STRIP1: variants seen among roughly 807,000 people sequenced by gnomAD.
STRIP1 encodes striatin-interacting protein 1.
Under a neutral mutation model 106.2 loss-of-function variants are expected in STRIP1, and 63 were observed. The ratio of observed to expected loss-of-function variants is 0.59; its 90% CI spans 0.48 to 0.73. The LOEUF (loss-of-function observed/expected upper bound fraction) is 0.73. Among genes scored for constraint, STRIP1 ranks in the 30% least tolerant of loss-of-function variants. The probability of loss-of-function intolerance (pLI) is 0.00; values close to 1 mark genes in which losing one functional copy is unlikely to be tolerated. For missense variants in STRIP1, 857 were observed against 1,074.8 expected, an observed-to-expected ratio of 0.80 and a Z score of 2.83; for synonymous variants, 390 against 413.0, an observed-to-expected ratio of 0.94 and a Z score of 0.67.
chr1:110,046,349 A>T (rs1653016744), intron 12 of STRIP1, among the ~76,000 whole-genome samples: 1 of 152,006 alleles, frequency 6.6e-6, no homozygotes, highest in South Asian at 2.1e-4. Context: ...AAAATACAAA[A>T]ATTAGCCAGG....
intron 5 of STRIP1, 44 bp from the exon 6 acceptor site, chr1:110,040,591 C>T (rs769858370): frequency 6.4e-6 from 10 of 1,573,970 alleles, no homozygotes; most frequent in African/African-American, 5.4e-5. Flanking sequence ...CATCACTTAT[C>T]TTCCTTCTTG....
rs112422790 is a variant in STRIP1, at chr1:110,037,807, G to A, written c.181-84G>A. 217 of 976,044 alleles carry A rather than the reference G, an allele frequency of 2.2e-4. 1 individual carries two copies. The African/African-American group carries it at 3.0e-3, about 14-fold the overall frequency. 60.5% of individuals were successfully genotyped at this position (976,044 alleles called of 1,614,324 possible). A position where few individuals can be genotyped will look rare whatever the true frequency, so the allele number is the denominator to read the frequency against. On this transcript the variant is annotated intron_variant, in intron 1 of 20. Coordinates refer to ENST00000369795, the MANE Select transcript of STRIP1 (RefSeq NM_033088.4). Reference sequence around the variant, plus strand: ...AAAAAAGTGGAGGCAGTGGTGTCCTGTAACACAACAGCATCTCGAAGCATG... The same window carrying A: ...AAAAAAGTGGAGGCAGTGGTGTCCTATAACACAACAGCATCTCGAAGCATG...
chr1:110,039,122 A>T (rs779932834), intron 3 of STRIP1, 50 bp from the exon 4 acceptor site: 2 of 1,607,286 alleles, frequency 1.2e-6, no homozygotes, highest in Non-Finnish European at 1.7e-6. Context: ...GGTCCATGCC[A>T]TTGTGAGGAT....
intron 1 of STRIP1, among the ~76,000 whole-genome samples, chr1:110,035,602 C>G (rs1446156072): frequency 6.6e-6 from 1 of 152,178 alleles, no homozygotes; most frequent in African/African-American, 2.4e-5. Flanking sequence ...CCCACTGCCT[C>G]CTTTTGCAGA....
chr1:110,050,561 AG>A lies in STRIP1; in HGVS notation c.1956+155del, dbSNP rs369973490. 5.8e-4 allele frequency: 422 copies of A among 730,906 alleles called. No individual in the cohort carries two copies. In the African/African-American group the frequency reaches 6.5e-3, roughly 11 times the overall value. The allele number at this position is 730,906 out of a possible 1,614,324, so 45.3% of individuals were successfully genotyped here. A position where few individuals can be genotyped will look rare whatever the true frequency, so the allele number is the denominator to read the frequency against. On this transcript the variant is annotated intron_variant, in intron 18 of 20. Transcript: ENST00000369795. ...TTTTAAAGCACTGTAAGTGTACAGA[AG>A]GGCCAGGAGGAGGGCTCTTGCAGAG...
chr1:110,038,624 T>G, intron 2 of STRIP1, 59 bp from the exon 3 acceptor site: 354 of 1,420,864 alleles, frequency 2.5e-4, no homozygotes, highest in Non-Finnish European at 3.3e-4. Flanking sequence ...TCTGCACTTG[T>G]GAGACCTGGT....
At chr1:110,033,925 T>A (rs1652303757), upstream of STRIP1, among the ~76,000 whole-genome samples, 1 of 152,242 alleles carries the variant, frequency 6.6e-6, no homozygotes, top group African/African-American at 2.4e-5. Context: ...GCTCTTTGGT[T>A]ATAAATCCCC....
At chr1:110,039,929 A>G in intron 5 of STRIP1, 1 of 1,290,660 alleles carries the variant, frequency 7.7e-7, no homozygotes, top group South Asian at 1.2e-5. Context: ...ACCTTTGTCC[A>G]GTGGACAGGT....
chr1:110,041,540 C>T lies in STRIP1; in HGVS notation c.655C>T (p.Leu219=). ...TGAGCTGGCTCTTGTCCTCAGGGTC[C>T]TGCTCAACATCATGTACCTGATAGT... ...SLADSTDLRV[L]LNIMYLIVET... is the part of the protein sequence containing the mutation. Residue 219 remains leucine, a synonymous_variant, in exon 7 of 21, where the codon CTG becomes TTG. Transcript: ENST00000369795. 2 of 1,613,664 alleles carry T rather than the reference C, an allele frequency of 1.2e-6. No individual in the cohort carries two copies. The highest frequency in any genetic ancestry group is 1.3e-5 in the African/African-American group (1 of 75,034).
At chr1:110,052,044 G>A (rs914502345) in intron 20 of STRIP1, among the ~76,000 whole-genome samples, 157 bp downstream of exon 20, 6 of 152,092 alleles carry the variant, frequency 3.9e-5, no homozygotes, top group African/African-American at 1.4e-4. Context: ...ATCAGGATGG[G>A]CACTCTAGGA....
rs781075128 is a variant in STRIP1, at chr1:110,051,059, T to C, written c.2060T>C (p.Met687Thr). The change falls in exon 19 of 21, where the codon ATG becomes ACG. Residue 687 changes from methionine (M) to threonine (T), a missense_variant and splice_region_variant. Around this residue, in one of 2 missense-constraint regions of STRIP1, gnomAD observed 750 missense variants for 989.8 expected, o/e 0.76. Transcript: ENST00000369795. ...ACAAAGTGGAAGCATTCAAGGACAA[T>C]GGTAAGTGAGTCAGTGTAGTCAGCA... ...KLTKWKHSRT[M>T]MLVVFKSAPI... 6.3e-7 allele frequency: 1 copy of C among 1,589,302 alleles called. No homozygotes were observed. Among genetic ancestry groups the C allele is most frequent in the Non-Finnish European group, 8.6e-7 (1 of 1,157,372 alleles).
At chr1:110,051,112 G>A (rs2101785922) in intron 19 of STRIP1, 52 bp downstream of exon 19, 1 of 1,251,214 alleles carries the variant, frequency 8.0e-7, no homozygotes, top group South Asian at 1.2e-5. Context: ...TCAAAGAAGA[G>A]TGCTGGGAGC....
chr1:110,050,956 G>A lies in STRIP1; in HGVS notation c.1957G>A (p.Glu653Lys), dbSNP rs951419785. The A allele has an allele frequency of 6.3e-7, 1 of 1,578,088 alleles. No homozygotes were observed. Among genetic ancestry groups the A allele is most frequent in the African/African-American group, 1.3e-5 (1 of 74,166 alleles). ...GATTGTTCCTGGGTTTACCCTGCAG[G>A]AAGCAGGTGACAGTAACCAATTTTG... ...ELPELTAESLEAGDSNQFCWR... is the reference protein window; with the variant it reads ...ELPELTAESLKAGDSNQFCWR... Residue 653 changes from glutamate to lysine, a missense_variant and splice_region_variant, in exon 19 of 21, where the codon GAA becomes AAA. By Grantham distance (56) the Glu-to-Lys change is moderately conservative (BLOSUM62 1). This residue lies in a region of STRIP1 where 750 missense variants were observed against 989.8 expected (regional missense o/e 0.76). Transcript: ENST00000369795.
At chr1:110,053,621 A>G (rs759311122) in intron 20 of STRIP1, 44 bp from the exon 21 acceptor site, 4 of 1,604,594 alleles carry the variant, frequency 2.5e-6, no homozygotes, top group Non-Finnish European at 3.4e-6. Flanking sequence ...GGGAGCTGCT[A>G]CAGGGCATGG....
chr1:110,041,734 G>T lies in STRIP1; in HGVS notation c.758G>T (p.Gly253Val). ...TMRQTFRAEL[G>V]SPLYNNEPFA... ...CCTGATACCTTTGTGTCACCTCCAGGCTCCCCGCTGTACAACAATGAGCCA... is the reference window on the plus strand; with the variant it reads ...CCTGATACCTTTGTGTCACCTCCAGTCTCCCCGCTGTACAACAATGAGCCA... The change falls in exon 8 of 21, where the codon GGC becomes GTC. Residue 253 changes from glycine (G) to valine (V), a missense_variant and splice_region_variant. Transcript: ENST00000369795. The T allele has an allele frequency of 6.2e-7, 1 of 1,614,102 alleles. No individual in the cohort carries two copies.
intron 12 of STRIP1, 22 bp from the exon 13 acceptor site, chr1:110,046,658 C>T (rs906278731): frequency 1.2e-6 from 2 of 1,612,124 alleles, no homozygotes; most frequent in East Asian, 2.2e-5. Context: ...CCCAGCCCTT[C>T]TTTTCCCATC....
chr1:110,043,067 G>C (rs144882686), intron 8 of STRIP1, 21 bp from the exon 9 acceptor site: 1 of 1,596,396 alleles, frequency 6.3e-7, no homozygotes, highest in South Asian at 1.1e-5. Context: ...CCCTGGCTCT[G>C]CTTCCCTGTC....
In STRIP1 at chr1:110,049,191, G is replaced by C. The variant is rs747324222; in HGVS notation, c.1741G>C (p.Val581Leu). 51 of 1,614,074 alleles carry C rather than the reference G, an allele frequency of 3.2e-5. No homozygotes were observed. Among genetic ancestry groups the C allele is most frequent in the Admixed American group, 5.0e-5 (3 of 59,998 alleles). The change falls in exon 16 of 21, where the codon GTC (valine) becomes CTC (leucine). Residue 581 changes from valine (V) to leucine (L), a missense_variant. Transcript: ENST00000369795. ...KEVIVKAISA[V>L]LLLLLKHFKL... ...GGTCATTGTTAAGGCCATTTCTGCT[G>C]TCCTGCTGCTGCTGCTCAAGCACTT...
At chr1:110,038,195 C>G (rs1460926600) in intron 2 of STRIP1, 3 of 170,616 alleles carry the variant, frequency 1.8e-5, no homozygotes, top group African/African-American at 7.3e-5. Flanking sequence ...CTGGCTAGAG[C>G]CCAGTCCCAT....
Sources: gnomAD v4.1 joint callset for allele counts (sites outside exome capture counted in the v4.1 genomes callset) on GRCh38, gnomAD v4.1.1 for gene constraint, gnomAD v4.1.1 regional missense constraint, MANE v1.5 for transcripts, NCBI Gene and HGNC (gene_info 2026-07-23, HGNC 2026-07-21) for gene names.